The following TNXB variants were observed in gnomAD, a reference collection of about 807,000 sequenced individuals.
The protein encoded by TNXB is tenascin XB.
TNXB carries 183 observed loss-of-function variants against 340.5 expected under a neutral mutation model. That is an observed-to-expected ratio of 0.54 (90% CI 0.48 to 0.61). TNXB has a LOEUF of 0.61. Among genes scored for constraint, TNXB ranks in the 20% least tolerant of loss-of-function variants. The pLI is 0.00. For synonymous variants in TNXB, 2,121 were observed against 2,314.5 expected (o/e 0.92, Z 2.40); for missense variants, 4,613 against 5,446.4 (o/e 0.85, Z 4.82).
intron 25 of TNXB, 31 bp downstream of exon 25, chr6:32,053,357 C>A (rs759703774): frequency 1.2e-6 from 2 of 1,602,620 alleles, no homozygotes; most frequent in Admixed American, 1.7e-5. Context: ...CTCCCACAGG[C>A]CCCACTCTGG....
At chr6:32,093,198 A>G in intron 4 of TNXB, 1 of 588,618 alleles carries the variant, frequency 1.7e-6, no homozygotes. Context: ...AATAATATAT[A>G]CAGAGAAGAA....
In TNXB at chr6:32,056,130, C is replaced by T; in HGVS notation, c.8188G>A (p.Ala2730Thr). The change falls in exon 24 of 44, where the codon GCC (alanine) becomes ACC (threonine). Residue 2730 changes from alanine to threonine, a missense_variant. Transcript: ENST00000644971. ...TPSPTELSTE[A>T]PEPPEEPLLG... ...AGCGGCTCCTCAGGGGGCTCCGGGG[C>T]CTCAGTGCTGAGTTCCGTGGGGCTG... 1 of 1,612,474 alleles carries T rather than the reference C, an allele frequency of 6.2e-7. No individual in the cohort carries two copies. Among genetic ancestry groups the T allele is most frequent in the Non-Finnish European group, 8.5e-7 (1 of 1,179,746 alleles).
In TNXB at chr6:32,062,230, G is replaced by C; in HGVS notation, c.7095C>G (p.Asn2365Lys). ...AGCCGTACAGGTTCATCTTGTACTT[G>C]TTGTCTGGCTCCAGGCCGGAGATGG... ...RVTISGLEPDNKYKMNLYGFH... is the reference protein window; with the variant it reads ...RVTISGLEPDKKYKMNLYGFH... Residue 2365 changes from asparagine to lysine, a missense_variant, in exon 20 of 44, where the codon AAC becomes AAG. Coordinates refer to ENST00000644971, the MANE Select transcript of TNXB (RefSeq NM_001365276.2). This position sits in a 1 kb window ranked among gnomAD's most constrained non-coding sequence, Gnocchi z 4.3. 6.2e-7 allele frequency: 1 copy of C among 1,613,312 alleles called. No homozygotes were observed. The highest frequency in any genetic ancestry group is 8.5e-7 in the Non-Finnish European group (1 of 1,179,892).
At chr6:32,091,467 G>A (rs1372716996) in intron 4 of TNXB, among the ~76,000 whole-genome samples, 1 of 148,102 alleles carries the variant, frequency 6.8e-6, no homozygotes. Context: ...GGTAAAGCTT[G>A]GCTGCTTCAC....
rs560963735 is a variant in TNXB at position 32,079,307 on chromosome 6, C to T, written c.4101G>A (p.Pro1367=). The change falls in exon 11 of 44, where the codon CCG becomes CCA. Residue 1367 remains proline, a synonymous_variant. Coordinates refer to ENST00000644971, the MANE Select transcript of TNXB (RefSeq NM_001365276.2). The surrounding 1 kb of genome is among the most constrained non-coding windows in gnomAD (Gnocchi z 7.1). ...PSPTELGTEA[P]ESPEEPLLGE... ...CCAGGAGCGGCTCCTCGGGGGACTC[C>T]GGGGCCTCCGTGCCCAGTTCTGTGG... is the stretch of plus-strand genomic sequence containing the variant. The T allele has an allele frequency of 1.6e-5, 25 of 1,612,750 alleles. No homozygotes were observed. Among genetic ancestry groups the T allele is most frequent in the Admixed American group, 1.7e-5 (1 of 60,024 alleles).
chr6:32,042,380 G>C lies in TNXB; in HGVS notation c.12211-18C>G. ...TGGAACACCTGGGAAGCAAGTGGGGGCACCATCAGCCTCTGGCTCCCGGGG... is the reference window on the plus strand; with the variant it reads ...TGGAACACCTGGGAAGCAAGTGGGGCCACCATCAGCCTCTGGCTCCCGGGG... On this transcript the variant is annotated intron_variant, in intron 40 of 43. Transcript: ENST00000644971. The C allele has an allele frequency of 1.3e-6, 2 of 1,592,448 alleles. No individual in the cohort carries two copies. The highest frequency in any genetic ancestry group is 1.7e-6 in the Non-Finnish European group (2 of 1,166,734).
chr6:32,060,681 G>A (rs1759533712), intron 21 of TNXB, among the ~76,000 whole-genome samples: 1 of 151,914 alleles, frequency 6.6e-6, no homozygotes, highest in Admixed American at 6.6e-5. Flanking sequence ...GGCTGTATCT[G>A]CCAGGCTGGA....
chr6:32,092,590 T>A, intron 4 of TNXB, among the ~76,000 whole-genome samples: 1 of 150,840 alleles, frequency 6.6e-6, no homozygotes, highest in East Asian at 1.9e-4. Context: ...CTTGGGAGGC[T>A]GAGGCAGGAG....
At chr6:32,063,353 A>G (rs989103662) in intron 19 of TNXB, among the ~76,000 whole-genome samples, 6 of 151,590 alleles carry the variant, frequency 4.0e-5, no homozygotes, top group African/African-American at 1.5e-4. Context: ...GCACCACGGC[A>G]CTCCAGCCTG....
chr6:32,055,708 G>A, intron 24 of TNXB, 143 bp downstream of exon 24: 2 of 1,256,112 alleles, frequency 1.6e-6, no homozygotes, highest in Non-Finnish European at 2.2e-6. Context: ...CAAACCTGTT[G>A]AACCCCAATC....
chr6:32,061,563 G>C lies in TNXB; in HGVS notation c.7326C>G (p.Thr2442=), dbSNP rs564152667. The C allele has an allele frequency of 1.2e-6, 2 of 1,613,356 alleles. No individual in the cohort carries two copies. Among genetic ancestry groups the C allele is most frequent in the Non-Finnish European group, 1.7e-6 (2 of 1,179,894 alleles). Residue 2442 remains threonine (T), a synonymous_variant, in exon 21 of 44, where the codon ACC becomes ACG. Coordinates refer to ENST00000644971, the MANE Select transcript of TNXB (RefSeq NM_001365276.2). This position sits in a 1 kb window ranked among gnomAD's most constrained non-coding sequence, Gnocchi z 4.4. ...TVPQGRFDSF[T]VQYKDRDGRP... ...GCCCGTCCCTGTCCTTGTACTGCAC[G>C]GTGAAGGAGTCGAAGCGGCCCTGGG...
chr6:32,098,303 A>G (rs1297673466), intron 1 of TNXB, 97 bp from the exon 2 acceptor site: 1 of 1,037,212 alleles, frequency 9.6e-7, no homozygotes, highest in South Asian at 2.4e-5. Flanking sequence ...ACCACCCACA[A>G]GTAATCTACC....
chr6:32,099,946 T>TAAAAAAAAAAAAAAAA lies in TNXB; in HGVS notation c.-8-1756_-8-1741dup. Among the ~76,000 whole-genome samples the TAAAAAAAAAAAAAAAA allele has an allele frequency of 3.2e-5, 2 of 62,826 alleles. 1 individual carries two copies. Among genetic ancestry groups the TAAAAAAAAAAAAAAAA allele is most frequent in the Non-Finnish European group, 6.0e-5 (2 of 33,602 alleles). 41.2% of individuals were successfully genotyped at this position (62,826 alleles called of 152,430 possible). On this transcript the variant is annotated intron_variant, in intron 1 of 43. Transcript: ENST00000644971. The stretch of plus-strand genomic sequence containing the variant: ...GCTGGGTCAATCCAACATCCCTAAG[T>TAAAAAAAAAAAAAAAA]AAAAAAAAAAAAAAAAAAAAAAAAC...
chr6:32,100,131 G>GTCTTGC (rs1286602292), intron 1 of TNXB, among the ~76,000 whole-genome samples: 1 of 148,592 alleles, frequency 6.7e-6, no homozygotes, highest in Non-Finnish European at 1.5e-5. Context: ...TTAAGACTGA[G>GTCTTGC]TCTTGCTCTG....
At position 32,084,572 on chromosome 6, in the gene TNXB, A is replaced by T; in HGVS notation, c.3286T>A (p.Tyr1096Asn). The T allele has an allele frequency of 6.2e-7, 1 of 1,608,726 alleles. No individual in the cohort carries two copies. Among genetic ancestry groups the T allele is most frequent in the Non-Finnish European group, 8.5e-7 (1 of 1,178,628 alleles). ...TGGGGCTGCCCGTCCCTGTCTTTGT[A>T]CTGGATCACGAAGGAGTCAAACTCG... ...EGEFDSFVIQ[Y>N]KDRDGQPQVV... The change falls in exon 8 of 44, where the codon TAC (tyrosine) becomes AAC (asparagine). Residue 1096 changes from tyrosine to asparagine, a missense_variant. Around this residue, in one of 7 missense-constraint regions of TNXB, gnomAD observed 4,327 missense variants for 4,859.4 expected, o/e 0.89. Transcript: ENST00000644971. The surrounding 1 kb of genome is among the most constrained non-coding windows in gnomAD (Gnocchi z 5.5).
rs925796794 is a variant in TNXB at position 32,052,461 on chromosome 6, AAAAG to A, written c.9115+205_9115+208del. 7.2e-5 allele frequency among the ~76,000 whole-genome samples: 11 copies of A among 151,964 alleles called. No individual in the cohort carries two copies. Among genetic ancestry groups the A allele is most frequent in the African/African-American group, 2.2e-4 (9 of 41,408 alleles). On this transcript the variant is annotated intron_variant, in intron 26 of 43. Transcript: ENST00000644971. This position sits in a 1 kb window ranked among gnomAD's most constrained non-coding sequence, Gnocchi z 4.7. ...GCGAGACTCTATCTCAAAAAAAAAA[AAAAG>A]AAAGAAAGAAAAAGAAAGAAATGCA...
At position 32,072,150 on chromosome 6, in the gene TNXB, C is replaced by T. The variant is rs759137290; in HGVS notation, c.4830G>A (p.Gln1610=). The T allele has an allele frequency of 1.2e-6, 2 of 1,613,500 alleles. No individual in the cohort carries two copies. The highest frequency in any genetic ancestry group is 1.7e-6 in the Non-Finnish European group (2 of 1,179,708). The change falls in exon 13 of 44, where the codon CAG becomes CAA. Residue 1610 remains glutamine (Q), a synonymous_variant. Transcript: ENST00000644971. This position sits in a 1 kb window ranked among gnomAD's most constrained non-coding sequence, Gnocchi z 4.4. ...GGGGCTGCCCGTCCCTGTCCTTGTA[C>T]TGAACCACAAAGGAGTCGAATTCAC... ...PEGEFDSFVV[Q]YKDRDGQPQV...
intron 1 of TNXB, among the ~76,000 whole-genome samples, chr6:32,101,182 G>T (rs1780703351): frequency 6.7e-6 from 1 of 148,746 alleles, no homozygotes; most frequent in Non-Finnish European, 1.5e-5. Context: ...CTCCAGAAAA[G>T]AATATAGCCA....
At chr6:32,092,867 G>T (rs923044297) in intron 4 of TNXB, among the ~76,000 whole-genome samples, 45 of 152,154 alleles carry the variant, frequency 3.0e-4, no homozygotes, top group African/African-American at 1.1e-3. Context: ...CCACACCCAG[G>T]CTCAGAGAAG....
Sources: gnomAD v4.1 joint callset for allele counts (sites outside exome capture counted in the v4.1 genomes callset) on GRCh38, gnomAD v4.1.1 for gene constraint, gnomAD v4.1.1 regional missense constraint, Gnocchi (gnomAD v3.1) non-coding constraint, MANE v1.5 for transcripts, NCBI Gene and HGNC (gene_info 2026-07-23, HGNC 2026-07-21) for gene names.